RAB3C: variants seen among roughly 807,000 people sequenced by gnomAD.
RAB3C encodes the protein ras-related protein Rab-3C.
In RAB3C, 17 loss-of-function variants were observed where a neutral mutation model predicts 26.4. The observed-to-expected ratio is 0.64, with a 90% CI of 0.44 to 0.97. The LOEUF (loss-of-function observed/expected upper bound fraction) is 0.97. Among genes scored for constraint, RAB3C ranks in the 50% least tolerant of loss-of-function variants. The pLI, the probability that RAB3C is intolerant of heterozygous loss-of-function variation, is 0.00. For synonymous variants in RAB3C, 91 were observed against 95.9 expected (o/e 0.95, Z 0.30); for missense variants, 242 against 281.9 (o/e 0.86, Z 1.01).
chr5:58,755,821 T>C (rs1005917381), intron 3 of RAB3C, among the ~76,000 whole-genome samples: 2 of 152,186 alleles, frequency 1.3e-5, no homozygotes, highest in South Asian at 2.1e-4. Flanking sequence ...GACTTTATTC[T>C]ACTCTCACCT....
At chr5:58,712,543 G>A (rs919455536) in intron 2 of RAB3C, among the ~76,000 whole-genome samples, 3 of 151,416 alleles carry the variant, frequency 2.0e-5, no homozygotes, top group East Asian at 1.9e-4. Context: ...TTTTTTTCTC[G>A]AGACAGAGTC....
intron 2 of RAB3C, among the ~76,000 whole-genome samples, chr5:58,669,651 A>G (rs1307027342): frequency 6.6e-6 from 1 of 152,164 alleles, no homozygotes; most frequent in East Asian, 1.9e-4. Flanking sequence ...TTGTTTTGAG[A>G]AAGTCACTTA....
chr5:58,738,357 AACAG>A (rs1278210097), intron 3 of RAB3C, among the ~76,000 whole-genome samples: 8 of 152,194 alleles, frequency 5.3e-5, no homozygotes, highest in Non-Finnish European at 8.8e-5. Context: ...GTTCAGACCA[AACAG>A]ACAAAGCTGG....
intron 3 of RAB3C, among the ~76,000 whole-genome samples, chr5:58,815,210 C>G (rs1743190393): frequency 6.6e-6 from 1 of 152,272 alleles, no homozygotes; most frequent in Non-Finnish European, 1.5e-5. Context: ...CCCTCCTGTG[C>G]AAGCAGACAG....
At chr5:58,736,973 C>T (rs1190199074) in intron 3 of RAB3C, among the ~76,000 whole-genome samples, 1 of 152,070 alleles carries the variant, frequency 6.6e-6, no homozygotes, top group Non-Finnish European at 1.5e-5. Flanking sequence ...CAGATCTTGT[C>T]ACCCCTCTGC....
Position 58,851,467 on chromosome 5 carries a change from A to T in RAB3C, c.*116A>T. 1.2e-6 allele frequency: 1 copy of T among 819,536 alleles called. No individual in the cohort carries two copies. Among genetic ancestry groups the T allele is most frequent in the Non-Finnish European group, 1.8e-6 (1 of 544,918 alleles). The allele number at this position is 819,536 out of a possible 1,614,324, so 50.8% of individuals were successfully genotyped here. A position where few individuals can be genotyped will look rare whatever the true frequency, so the allele number is the denominator to read the frequency against. On this transcript the variant is annotated 3_prime_UTR_variant, in exon 5 of 5. Transcript: ENST00000282878. The stretch of plus-strand genomic sequence containing the variant: ...AACAATTATTTGAAGGAATAAATTG[A>T]TGTCAATGGCTCGTACGCATTCAAT...
chr5:58,758,169 C>G (rs899866532), intron 3 of RAB3C, among the ~76,000 whole-genome samples: 1 of 152,160 alleles, frequency 6.6e-6, no homozygotes, highest in Non-Finnish European at 1.5e-5. Flanking sequence ...TGGTCTTGAT[C>G]TCCTGACCTT....
chr5:58,631,553 T>A (rs923014030), intron 2 of RAB3C, among the ~76,000 whole-genome samples: 5 of 152,216 alleles, frequency 3.3e-5, no homozygotes, highest in Admixed American at 1.3e-4. Context: ...ATGGGTCATC[T>A]TCCCTGGACT....
At chr5:58,633,469 G>A (rs1211849302) in intron 2 of RAB3C, among the ~76,000 whole-genome samples, 1 of 152,188 alleles carries the variant, frequency 6.6e-6, no homozygotes, top group Non-Finnish European at 1.5e-5. Flanking sequence ...GTATTTGTGT[G>A]ATAAGGATTC....
Position 58,858,127 on chromosome 5 carries a change from C to T in RAB3C, c.*6776C>T, listed in dbSNP as rs1334031134. 6.6e-6 allele frequency: 1 copy of T among 152,128 alleles called. No homozygotes were observed. The highest frequency in any genetic ancestry group is 6.6e-5 in the Admixed American group (1 of 15,262). 9.4% of individuals were successfully genotyped at this position (152,128 alleles called of 1,614,324 possible). A position where few individuals can be genotyped will look rare whatever the true frequency, so the allele number is the denominator to read the frequency against. On this transcript the variant is annotated 3_prime_UTR_variant, in exon 5 of 5. Coordinates refer to ENST00000282878, the MANE Select transcript of RAB3C (RefSeq NM_138453.4). ...TTCATCATATAAAACCTTCAGTTCT[C>T]TCTATGGTGCTTGGCTGGAGATTGA...
chr5:58,835,412 T>G (rs539994744), intron 4 of RAB3C, among the ~76,000 whole-genome samples: 25 of 152,336 alleles, frequency 1.6e-4, no homozygotes, highest in African/African-American at 6.0e-4. Flanking sequence ...ATATGCAAAG[T>G]GCCCTTCTTC....
intron 3 of RAB3C, among the ~76,000 whole-genome samples, chr5:58,763,899 T>C (rs1279805562): frequency 6.6e-6 from 1 of 152,130 alleles, no homozygotes; most frequent in Non-Finnish European, 1.5e-5. Context: ...GAGAGGGTGA[T>C]ATATAGAAGG....
At chr5:58,791,025 A>C (rs1157868462) in intron 3 of RAB3C, among the ~76,000 whole-genome samples, 1 of 151,676 alleles carries the variant, frequency 6.6e-6, no homozygotes, top group Non-Finnish European at 1.5e-5. Flanking sequence ...GCTGAGATCA[A>C]AGTTATGAGT....
At chr5:58,605,004 C>T (rs1746530606) in intron 1 of RAB3C, among the ~76,000 whole-genome samples, 1 of 152,130 alleles carries the variant, frequency 6.6e-6, no homozygotes, top group South Asian at 2.1e-4. Context: ...CTTCCTCTAC[C>T]CCTATATTTC....
chr5:58,702,537 T>C (rs1365392098), intron 2 of RAB3C, among the ~76,000 whole-genome samples: 1 of 152,156 alleles, frequency 6.6e-6, no homozygotes, highest in Non-Finnish European at 1.5e-5. Flanking sequence ...GTCTCTGTTA[T>C]AGCACTTGCC....
At chr5:58,799,474 G>T (rs1742753307) in intron 3 of RAB3C, among the ~76,000 whole-genome samples, 1 of 152,080 alleles carries the variant, frequency 6.6e-6, no homozygotes, top group East Asian at 1.9e-4. Context: ...TCAAGTCCAG[G>T]TCTTTCTGAC....
intron 1 of RAB3C, among the ~76,000 whole-genome samples, chr5:58,606,060 G>A (rs1018521749): frequency 2.0e-5 from 3 of 152,218 alleles, no homozygotes; most frequent in Non-Finnish European, 4.4e-5. Flanking sequence ...GACAGTGGGT[G>A]CAGCCCACGG....
intron 4 of RAB3C, among the ~76,000 whole-genome samples, chr5:58,844,089 G>A (rs1423362): frequency 0.58 from 88,316 of 152,008 alleles, 25,899 homozygotes; most frequent in Middle Eastern, 0.71. Context: ...TTCTAATTGC[G>A]GAGCAAAACA....
chr5:58,674,428 A>C (rs576171458), intron 2 of RAB3C, among the ~76,000 whole-genome samples: 2 of 152,350 alleles, frequency 1.3e-5, no homozygotes, highest in East Asian at 3.9e-4. Context: ...GATATAAACC[A>C]ACCAATTTCT....
Sources: gnomAD v4.1 joint callset for allele counts (sites outside exome capture counted in the v4.1 genomes callset) on GRCh38, gnomAD v4.1.1 for gene constraint, MANE v1.5 for transcripts, NCBI Gene and HGNC (gene_info 2026-07-23, HGNC 2026-07-21) for gene names.